STAG1: variants seen among roughly 807,000 people sequenced by gnomAD.
STAG1 encodes cohesin subunit SA-1.
A neutral mutation model predicts 170.9 loss-of-function variants in STAG1; 26 were observed. The ratio of observed to expected loss-of-function variants is 0.15; its 90% confidence interval spans 0.11 to 0.21. The LOEUF is 0.21. Ranked by LOEUF, STAG1 falls within the 10% of genes least tolerant of loss-of-function variation. The pLI is 1.00. For missense variants in STAG1, 964 were observed against 1,509.5 expected, an observed-to-expected ratio of 0.64 and a Z score of 5.99; for synonymous variants, 514 against 497.7, an observed-to-expected ratio of 1.03 and a Z score of -0.44.
At position 136,371,555 on chromosome 3, in the gene STAG1, G is replaced by C. The variant is rs190186514; in HGVS notation, c.2371-2273C>G. Among the ~76,000 whole-genome samples, 450 of 152,238 alleles carry C rather than the reference G, an allele frequency of 3.0e-3. 14 individuals carry two copies. The highest frequency in any genetic ancestry group is 0.029 in the Admixed American group (449 of 15,276). On this transcript the variant is annotated intron_variant, in intron 23 of 33. Transcript: ENST00000383202. ...GTATAAGGTGTGAGGAAGGGATCTGGTTTCAGCTTTCTACATATGGCTAGC... is the reference window on the plus strand; with the variant it reads ...GTATAAGGTGTGAGGAAGGGATCTGCTTTCAGCTTTCTACATATGGCTAGC...
At chr3:136,562,347 G>A (rs377297408) in intron 5 of STAG1, among the ~76,000 whole-genome samples, 1 of 150,844 alleles carries the variant, frequency 6.6e-6, no homozygotes, top group Non-Finnish European at 1.5e-5. Flanking sequence ...TGCAACCTCC[G>A]CCTCCTGGGC....
chr3:136,689,630 C>A (rs996580490), intron 1 of STAG1, among the ~76,000 whole-genome samples: 4 of 152,134 alleles, frequency 2.6e-5, no homozygotes, highest in Non-Finnish European at 5.9e-5. Flanking sequence ...TCTGGCTGAT[C>A]GCTCTTAAAT....
At chr3:136,604,556 A>C in intron 3 of STAG1, 83 bp from the exon 4 acceptor site, 1 of 1,194,770 alleles carries the variant, frequency 8.4e-7, no homozygotes, top group Non-Finnish European at 1.1e-6. Flanking sequence ...GAAGAAATAT[A>C]ATCCCTAACC....
At chr3:136,713,497 C>G (rs534484385) in intron 1 of STAG1, among the ~76,000 whole-genome samples, 1 of 150,894 alleles carries the variant, frequency 6.6e-6, no homozygotes, top group South Asian at 2.1e-4. Context: ...GCAGAAGAAT[C>G]GCTTGAATCC....
chr3:136,719,307 A>G (rs962850409), intron 1 of STAG1, among the ~76,000 whole-genome samples: 1 of 152,170 alleles, frequency 6.6e-6, no homozygotes, highest in African/African-American at 2.4e-5. Flanking sequence ...CCAAAAAAGC[A>G]TATCTATAGA....
intron 1 of STAG1, among the ~76,000 whole-genome samples, chr3:136,677,703 AC>A (rs1942168956): frequency 6.6e-6 from 1 of 151,910 alleles, no homozygotes; most frequent in African/African-American, 2.4e-5. Context: ...CTCGCCAGAC[AC>A]TGAATTTACT....
intron 1 of STAG1, among the ~76,000 whole-genome samples, chr3:136,712,538 T>C (rs1382005495): frequency 6.6e-6 from 1 of 152,182 alleles, no homozygotes; most frequent in East Asian, 1.9e-4. Context: ...TGGTCAGCAC[T>C]GAGATGCTCA....
intron 9 of STAG1, among the ~76,000 whole-genome samples, chr3:136,479,250 C>T (rs1559830575): frequency 8.1e-6 from 1 of 124,058 alleles, no homozygotes; most frequent in East Asian, 2.6e-4. Context: ...ACCACCGTCC[C>T]CAGAGTGTGA....
At chr3:136,566,046 C>T (rs1342366480) in intron 5 of STAG1, among the ~76,000 whole-genome samples, 1 of 152,096 alleles carries the variant, frequency 6.6e-6, no homozygotes, top group Non-Finnish European at 1.5e-5. Context: ...TAGTGATTAC[C>T]TAACAGGTAT....
At chr3:136,473,202 C>T (rs1267866665) in intron 11 of STAG1, among the ~76,000 whole-genome samples, 1 of 152,254 alleles carries the variant, frequency 6.6e-6, no homozygotes, top group Non-Finnish European at 1.5e-5. Flanking sequence ...ATGGGAACAT[C>T]TAGTTGCAGG....
At chr3:136,614,080 G>C (rs996593006) in intron 3 of STAG1, among the ~76,000 whole-genome samples, 2 of 152,298 alleles carry the variant, frequency 1.3e-5, no homozygotes, top group Non-Finnish European at 2.9e-5. Context: ...GCCAGGCATG[G>C]TGGTACGCGC....
intron 1 of STAG1, among the ~76,000 whole-genome samples, chr3:136,682,253 T>C (rs1942360372): frequency 1.3e-5 from 2 of 151,696 alleles, no homozygotes; most frequent in South Asian, 4.1e-4. Context: ...GGTGAAACCC[T>C]GTCTCTACTA....
chr3:136,656,176 A>C (rs919223737), intron 1 of STAG1, among the ~76,000 whole-genome samples: 8 of 152,092 alleles, frequency 5.3e-5, no homozygotes, highest in Non-Finnish European at 7.4e-5. Flanking sequence ...AAAAAAAAAA[A>C]CACCAAATAC....
At chr3:136,714,413 C>T (rs545147743) in intron 1 of STAG1, among the ~76,000 whole-genome samples, 1 of 152,028 alleles carries the variant, frequency 6.6e-6, no homozygotes, top group South Asian at 2.1e-4. Flanking sequence ...GGCAACGTAC[C>T]GAGAACTCAT....
chr3:136,529,276 A>C (rs1284572315), intron 6 of STAG1, among the ~76,000 whole-genome samples: 2 of 152,228 alleles, frequency 1.3e-5, no homozygotes, highest in Non-Finnish European at 2.9e-5. Context: ...GTCTAGCAAG[A>C]GATACAGACA....
At chr3:136,663,073 AAAATT>A (rs907243711) in intron 1 of STAG1, among the ~76,000 whole-genome samples, 18 of 152,076 alleles carry the variant, frequency 1.2e-4, no homozygotes, top group African/African-American at 2.9e-4. Flanking sequence ...ATAAAATAGT[AAAATT>A]AAATTAAATT....
chr3:136,410,834 G>A (rs1054130567), intron 21 of STAG1, among the ~76,000 whole-genome samples: 2 of 151,878 alleles, frequency 1.3e-5, no homozygotes, highest in South Asian at 4.2e-4. Context: ...ATTAGCTGGG[G>A]ACGGTGGCAC....
chr3:136,668,560 T>C lies in STAG1; in HGVS notation c.-83-37579A>G, dbSNP rs1941887464. Reference sequence around the variant, plus strand: ...AAGGAGAAAGCAAGAGGAGTAAGCATAGAGAAAGCCTTCAGGCTGCAATGC... The same window carrying C: ...AAGGAGAAAGCAAGAGGAGTAAGCACAGAGAAAGCCTTCAGGCTGCAATGC... On this transcript the variant is annotated intron_variant, in intron 1 of 33. Coordinates refer to ENST00000383202, the MANE Select transcript of STAG1 (RefSeq NM_005862.3). Among the ~76,000 whole-genome samples, 5 of 151,814 alleles carry C rather than the reference T, an allele frequency of 3.3e-5. No homozygotes were observed. In the South Asian group the frequency reaches 1.0e-3, roughly 32 times the overall value.
intron 7 of STAG1, among the ~76,000 whole-genome samples, chr3:136,516,567 A>G (rs1018249728): frequency 6.6e-6 from 1 of 152,154 alleles, no homozygotes. Context: ...TTTTCTTAAC[A>G]GCGGTTCTTG....
Sources: gnomAD v4.1 joint callset for allele counts (sites outside exome capture counted in the v4.1 genomes callset) on GRCh38, gnomAD v4.1.1 for gene constraint, MANE v1.5 for transcripts, NCBI Gene and HGNC (gene_info 2026-07-23, HGNC 2026-07-21) for gene names.